Variants in NUAK1 observed in about 807,000 individuals in gnomAD.
The protein encoded by NUAK1 is NUAK family kinase 1, also known as NUAK family SNF1-like kinase 1.
NUAK1 carries 26 observed loss-of-function variants against 56.9 expected under a neutral mutation model. The ratio of observed to expected loss-of-function variants is 0.46; its 90% CI spans 0.33 to 0.63. NUAK1 has a LOEUF of 0.63. NUAK1 is among the 30% of genes least tolerant of loss of function. NUAK1 has a pLI of 0.02. For synonymous variants in NUAK1, 337 were observed against 336.0 expected, an observed-to-expected ratio of 1.00 and a Z score of -0.03; for missense variants, 727 against 876.1, an observed-to-expected ratio of 0.83 and a Z score of 2.15.
chr12:106,067,343 G>A lies in NUAK1; in HGVS notation c.1445C>T (p.Pro482Leu). 1 of 1,614,196 alleles carries A rather than the reference G, an allele frequency of 6.2e-7. No individual in the cohort carries two copies. Among genetic ancestry groups the A allele is most frequent in the South Asian group, 1.1e-5 (1 of 91,080 alleles). ...QQRESGYYSS[P>L]ERSESSELLD... The stretch of plus-strand genomic sequence containing the variant: ...CAGCTCCGAAGACTCACTGCGCTCT[G>A]GGGAAGAGTAGTAACCTGATTCTCT... The change falls in exon 7 of 7, where the codon CCA becomes CTA. Residue 482 changes from proline to leucine, a missense_variant. Pro to Leu is a moderately conservative substitution (Grantham distance 98, BLOSUM62 -3). Transcript: ENST00000261402. This position sits in a 1 kb window ranked among gnomAD's most constrained non-coding sequence, Gnocchi z 6.0.
intron 4 of NUAK1, among the ~76,000 whole-genome samples, chr12:106,078,582 C>T (rs758716715): frequency 1.3e-5 from 2 of 152,188 alleles, no homozygotes; most frequent in Admixed American, 6.5e-5. Flanking sequence ...TGGAGTTGAT[C>T]GCTGTGGCTT....
intron 2 of NUAK1, among the ~76,000 whole-genome samples, chr12:106,105,428 T>C (rs2032790951): frequency 6.6e-6 from 1 of 152,164 alleles, no homozygotes; most frequent in Non-Finnish European, 1.5e-5. Flanking sequence ...ACAACTTAAG[T>C]GTTTGGCAAA....
chr12:106,124,680 A>C (rs1403706336), intron 1 of NUAK1, among the ~76,000 whole-genome samples: 1 of 152,186 alleles, frequency 6.6e-6, no homozygotes, highest in African/African-American at 2.4e-5. Flanking sequence ...CCTACCATCC[A>C]GAGTGGTATC....
At chr12:106,113,630 C>T (rs7972265) in intron 1 of NUAK1, among the ~76,000 whole-genome samples, 5,338 of 150,388 alleles carry the variant, frequency 0.035, 301 homozygotes, top group African/African-American at 0.12. Context: ...GTGGCCCTGA[C>T]GACACCTATT....
chr12:106,127,631 A>T (rs2033036362), intron 1 of NUAK1, among the ~76,000 whole-genome samples: 1 of 152,236 alleles, frequency 6.6e-6, no homozygotes, highest in African/African-American at 2.4e-5. Context: ...CAGTCTACAC[A>T]GGGAGACTCT....
chr12:106,106,622 G>A, intron 1 of NUAK1, 97 bp from the exon 2 acceptor site: 1 of 1,318,050 alleles, frequency 7.6e-7, no homozygotes, highest in South Asian at 1.5e-5. Context: ...GTTACTTGTT[G>A]GCAGAACTGA....
chr12:106,093,323 A>C (rs2032656185), intron 2 of NUAK1, among the ~76,000 whole-genome samples: 3 of 152,152 alleles, frequency 2.0e-5, no homozygotes, highest in Admixed American at 6.5e-5. Context: ...CACCAACTTA[A>C]ATTATTTTTC....
chr12:106,130,720 C>T (rs1387204167), intron 1 of NUAK1, among the ~76,000 whole-genome samples: 5 of 152,210 alleles, frequency 3.3e-5, no homozygotes, highest in African/African-American at 1.2e-4. Context: ...TGCTTCTGGC[C>T]AGGACAGAAG....
At chr12:106,069,296 C>A (rs1357438398) in intron 6 of NUAK1, among the ~76,000 whole-genome samples, 1 of 152,222 alleles carries the variant, frequency 6.6e-6, no homozygotes, top group East Asian at 1.9e-4. Flanking sequence ...AACAAGGCAA[C>A]ACTCTGCCTT....
intron 6 of NUAK1, among the ~76,000 whole-genome samples, chr12:106,068,728 G>A (rs2032371035): frequency 6.6e-6 from 1 of 152,224 alleles, no homozygotes; most frequent in Non-Finnish European, 1.5e-5. Context: ...GAAGGCCACA[G>A]GAACCAACTG....
intron 1 of NUAK1, among the ~76,000 whole-genome samples, chr12:106,119,283 A>G (rs1592861146): frequency 6.6e-6 from 1 of 152,204 alleles, no homozygotes; most frequent in East Asian, 1.9e-4. Context: ...CCTTGAGTCA[A>G]GAGACCCAGC....
At chr12:106,127,288 C>G (rs911578331) in intron 1 of NUAK1, among the ~76,000 whole-genome samples, 2 of 152,154 alleles carry the variant, frequency 1.3e-5, no homozygotes, top group African/African-American at 4.8e-5. Context: ...TCTTGGCCCC[C>G]CAAGTAGCCA....
chr12:106,090,434 C>T (rs182685723), intron 2 of NUAK1, among the ~76,000 whole-genome samples: 23 of 152,288 alleles, frequency 1.5e-4, no homozygotes, highest in African/African-American at 5.5e-4. Context: ...GTAGGCTTAC[C>T]ATGTGCAGGC....
intron 1 of NUAK1, among the ~76,000 whole-genome samples, chr12:106,135,925 T>C (rs1232898904): frequency 1.3e-5 from 2 of 152,220 alleles, no homozygotes; most frequent in African/African-American, 4.8e-5. Context: ...TTTTGTTTGT[T>C]TGGTGTTATT....
intron 1 of NUAK1, among the ~76,000 whole-genome samples, chr12:106,109,867 A>C (rs10861556): frequency 0.28 from 43,303 of 152,050 alleles, 7,253 homozygotes; most frequent in South Asian, 0.37. Flanking sequence ...AATAAGTGTC[A>C]GTCTTTTTTA....
chr12:106,092,588 G>T (rs2032647221), intron 2 of NUAK1, among the ~76,000 whole-genome samples: 1 of 152,248 alleles, frequency 6.6e-6, no homozygotes, highest in Admixed American at 6.5e-5. Flanking sequence ...TGTCGTCAAA[G>T]ATTGTTCATT....
Position 106,065,591 on chromosome 12 carries a change from C to T in NUAK1, c.*1211G>A, listed in dbSNP as rs913575344. The stretch of plus-strand genomic sequence containing the variant: ...TTTTCCTTTCCTCATCCCAATATCC[C>T]ATCTACATGCTAACTCCCTAGAAGC... On this transcript the variant is annotated 3_prime_UTR_variant, in exon 7 of 7. Coordinates refer to ENST00000261402, the MANE Select transcript of NUAK1 (RefSeq NM_014840.3). 6.6e-6 allele frequency: 1 copy of T among 152,242 alleles called. No individual in the cohort carries two copies. Among genetic ancestry groups the T allele is most frequent in the Non-Finnish European group, 1.5e-5 (1 of 68,036 alleles). The allele number at this position is 152,242 out of a possible 1,614,324, so 9.4% of individuals were successfully genotyped here. A position where few individuals can be genotyped will look rare whatever the true frequency, so the allele number is the denominator to read the frequency against.
At chr12:106,104,264 C>T (rs1038162650) in intron 2 of NUAK1, 1 of 152,158 alleles carries the variant, frequency 6.6e-6, no homozygotes, top group Admixed American at 6.5e-5. Context: ...TGGGGTTTCA[C>T]CATGTTGGCC....
intron 1 of NUAK1, among the ~76,000 whole-genome samples, chr12:106,137,237 A>G (rs2033138668): frequency 6.6e-6 from 1 of 152,174 alleles, no homozygotes; most frequent in African/African-American, 2.4e-5. Flanking sequence ...GAAATGCAAA[A>G]GAAACATGTC....
Sources: gnomAD v4.1 joint callset for allele counts (sites outside exome capture counted in the v4.1 genomes callset) on GRCh38, gnomAD v4.1.1 for gene constraint, Gnocchi (gnomAD v3.1) non-coding constraint, MANE v1.5 for transcripts, NCBI Gene and HGNC (gene_info 2026-07-23, HGNC 2026-07-21) for gene names.